The following PCDHGA2 variants were observed in gnomAD, a reference collection of about 807,000 sequenced individuals.
The protein encoded by PCDHGA2 is protocadherin gamma-A2.
PCDHGA2 carries 40 observed loss-of-function variants against 59.2 expected under a neutral mutation model. The observed-to-expected ratio is 0.68, with a 90% CI of 0.52 to 0.88. PCDHGA2 has a LOEUF of 0.88. Ranked by LOEUF, PCDHGA2 falls within the 40% of genes least tolerant of loss-of-function variation. PCDHGA2 has a pLI of 0.00. For synonymous variants in PCDHGA2, 560 were observed against 526.0 expected, an observed-to-expected ratio of 1.06 and a Z score of -0.89; for missense variants, 1,226 against 1,204.0, an observed-to-expected ratio of 1.02 and a Z score of -0.27.
Position 141,464,279 on chromosome 5 carries a change from CA to C in PCDHGA2, c.2425-30517del, listed in dbSNP as rs373828487. Among the ~76,000 whole-genome samples, 143 of 137,732 alleles carry C rather than the reference CA, an allele frequency of 1.0e-3. 2 individuals are homozygous for C. The Middle Eastern group carries it at 0.015, about 15-fold the overall frequency. 90.4% of individuals were successfully genotyped at this position (137,732 alleles called of 152,430 possible). A position where few individuals can be genotyped will look rare whatever the true frequency, so the allele number is the denominator to read the frequency against. The stretch of plus-strand genomic sequence containing the variant: ...GACTCCGTCTAAAAAAAAAAAAAAG[CA>C]AAAAAAAAAACTCCATTGTATGTGC... On this transcript the variant is annotated intron_variant, in intron 1 of 3. Transcript: ENST00000394576.
intron 1 of PCDHGA2, among the ~76,000 whole-genome samples, chr5:141,473,069 A>G (rs552033483): frequency 3.9e-4 from 59 of 152,180 alleles, no homozygotes; most frequent in South Asian, 8.3e-4. Flanking sequence ...AAGTTACAGC[A>G]TCTTTGTTTA....
At chr5:141,421,238 G>A (rs920128735) in intron 1 of PCDHGA2, 1 of 1,597,540 alleles carries the variant, frequency 6.3e-7, no homozygotes, top group African/African-American at 1.3e-5. Context: ...ATGGCGAATC[G>A]GCTACAGCGC....
chr5:141,478,718 C>T, intron 1 of PCDHGA2: 1 of 1,544,994 alleles, frequency 6.5e-7, no homozygotes, highest in East Asian at 2.4e-5. Context: ...AGATGGTGGC[C>T]TGCCAGAGTG....
Position 141,339,322 on chromosome 5 carries a change from T to C in PCDHGA2, c.351T>C (p.Tyr117=), listed in dbSNP as rs764250700. The part of the protein sequence containing the change: ...NILLEDKLTI[Y]SVEVEITDIN... Reference sequence around the variant, plus strand: ...TGCTGGAGGATAAATTGACTATTTATTCAGTAGAGGTGGAAATAACAGATA... The same window carrying C: ...TGCTGGAGGATAAATTGACTATTTACTCAGTAGAGGTGGAAATAACAGATA... Residue 117 remains tyrosine (Y), a synonymous_variant, in exon 1 of 4, where the codon TAT becomes TAC. Transcript: ENST00000394576. The C allele has an allele frequency of 6.2e-7, 1 of 1,614,256 alleles. No homozygotes were observed. Among genetic ancestry groups the C allele is most frequent in the African/African-American group, 1.3e-5 (1 of 75,066 alleles).
chr5:141,340,894 C>T lies in PCDHGA2; in HGVS notation c.1923C>T (p.Ser641=), dbSNP rs753165935. The T allele has an allele frequency of 6.8e-6, 11 of 1,613,550 alleles. No individual in the cohort carries two copies. Among genetic ancestry groups the T allele is most frequent in the African/African-American group, 2.7e-5 (2 of 74,932 alleles). Reference sequence around the variant, plus strand: ...TGGACAGAGACGCGCTCAAGCAGAGCCTCGTGGTGGCCATCCAGGACCACG... The same window carrying T: ...TGGACAGAGACGCGCTCAAGCAGAGTCTCGTGGTGGCCATCCAGGACCACG... ...ALLDRDALKQ[S]LVVAIQDHGQ... is the part of the protein sequence containing the mutation. Residue 641 remains serine (S), a synonymous_variant, in exon 1 of 4, where the codon AGC becomes AGT. Transcript: ENST00000394576.
chr5:141,351,239 T>C (rs1370270183), intron 1 of PCDHGA2: 4 of 1,613,940 alleles, frequency 2.5e-6, no homozygotes, highest in Non-Finnish European at 3.4e-6. Flanking sequence ...CACAGCTCAC[T>C]GTAATGTTCA....
intron 1 of PCDHGA2, among the ~76,000 whole-genome samples, chr5:141,458,009 G>T (rs1039110082): frequency 2.6e-5 from 4 of 152,142 alleles, no homozygotes; most frequent in Non-Finnish European, 4.4e-5. Context: ...AAAATAACCG[G>T]TTTTTCCAAT....
intron 1 of PCDHGA2, chr5:141,418,660 T>C (rs1377720154): frequency 6.2e-7 from 1 of 1,614,024 alleles, no homozygotes; most frequent in Admixed American, 1.7e-5. Context: ...TGAAGGCCAC[T>C]GACCAGGACG....
At chr5:141,464,035 C>T (rs564886798) in intron 1 of PCDHGA2, among the ~76,000 whole-genome samples, 1 of 152,066 alleles carries the variant, frequency 6.6e-6, no homozygotes, top group African/African-American at 2.4e-5. Context: ...GAGGCCAAGG[C>T]GGGTGGATCA....
chr5:141,418,345 T>C, intron 1 of PCDHGA2: 1 of 1,614,000 alleles, frequency 6.2e-7, no homozygotes, highest in Non-Finnish European at 8.5e-7. Context: ...ATCCTGATAT[T>C]AGTATGAATT....
chr5:141,423,086 T>TG, intron 1 of PCDHGA2: 1 of 1,613,912 alleles, frequency 6.2e-7, no homozygotes, highest in South Asian at 1.1e-5. Flanking sequence ...CTCTTCGCGG[T>TG]GGGGGAGCAC....
chr5:141,393,113 G>T (rs1296597974), intron 1 of PCDHGA2: 1 of 1,613,500 alleles, frequency 6.2e-7, no homozygotes. Context: ...CTCAGAGCCC[G>T]CGGTGTCTGA....
chr5:141,379,614 A>G (rs947547089), intron 1 of PCDHGA2: 1 of 152,204 alleles, frequency 6.6e-6, no homozygotes, highest in African/African-American at 2.4e-5. Context: ...TTTCATTTAA[A>G]CAAATAAAAT....
chr5:141,366,938 A>G (rs1177560870), intron 1 of PCDHGA2: 1 of 843,674 alleles, frequency 1.2e-6, no homozygotes, highest in Non-Finnish European at 1.8e-6. Flanking sequence ...TGGGAAGTCT[A>G]GCTGATATCT....
In PCDHGA2 at chr5:141,340,799, A is replaced by G. The variant is rs1349721639; in HGVS notation, c.1828A>G (p.Lys610Glu). 1.2e-6 allele frequency: 2 copies of G among 1,613,006 alleles called. No individual in the cohort carries two copies. The highest frequency in any genetic ancestry group is 2.7e-5 in the African/African-American group (2 of 74,494). The change falls in exon 1 of 4, where the codon AAG becomes GAG. Residue 610 changes from lysine to glutamate, a missense_variant. Coordinates refer to ENST00000394576, the MANE Select transcript of PCDHGA2 (RefSeq NM_018915.4). ...QNAWLSYHLL[K>E]ASEPGLFSVG... ...CGCCTGGCTGTCTTACCACCTGCTC[A>G]AGGCCAGCGAGCCGGGACTCTTCTC... is the stretch of plus-strand genomic sequence containing the variant.
At chr5:141,509,163 C>T (rs561329093) in intron 3 of PCDHGA2, among the ~76,000 whole-genome samples, 1 of 152,204 alleles carries the variant, frequency 6.6e-6, no homozygotes, top group East Asian at 1.9e-4. Context: ...CTCCCGTGTG[C>T]CCTCCTCCTC....
At chr5:141,352,127 C>T (rs953232371) in intron 1 of PCDHGA2, 2 of 1,610,004 alleles carry the variant, frequency 1.2e-6, no homozygotes, top group African/African-American at 1.3e-5. Context: ...GGGTGAGGTG[C>T]GCACAGCGCG....
chr5:141,470,825 C>T (rs557419577), intron 1 of PCDHGA2, among the ~76,000 whole-genome samples: 5 of 152,064 alleles, frequency 3.3e-5, no homozygotes, highest in Admixed American at 1.3e-4. Context: ...GTAGTTAGGA[C>T]GACAAACACA....
chr5:141,508,740 C>G (rs2099871405), intron 3 of PCDHGA2, among the ~76,000 whole-genome samples: 1 of 152,006 alleles, frequency 6.6e-6, no homozygotes. Flanking sequence ...CACCCCCCAC[C>G]CCGCTCTTTC....
Sources: gnomAD v4.1 joint callset for allele counts (sites outside exome capture counted in the v4.1 genomes callset) on GRCh38, gnomAD v4.1.1 for gene constraint, MANE v1.5 for transcripts, NCBI Gene and HGNC (gene_info 2026-07-23, HGNC 2026-07-21) for gene names.